SNX25: variants seen among roughly 807,000 people sequenced by gnomAD.
SNX25 encodes sorting nexin-25.
A neutral mutation model predicts 113.7 loss-of-function variants in SNX25; 62 were observed. The ratio of observed to expected loss-of-function variants is 0.55; its 90% CI spans 0.44 to 0.67. The LOEUF (loss-of-function observed/expected upper bound fraction) is 0.67, where lower values mean the gene tolerates loss of function less well. SNX25 is among the 30% of genes least tolerant of loss of function. The pLI, the probability that SNX25 is intolerant of heterozygous loss-of-function variation, is 0.00. For missense variants in SNX25, 1,014 were observed against 1,161.0 expected (o/e 0.87, Z 1.84); for synonymous variants, 421 against 436.2 (o/e 0.97, Z 0.43).
At chr4:185,312,140 C>A (rs1185054961) in intron 7 of SNX25, among the ~76,000 whole-genome samples, 1 of 152,084 alleles carries the variant, frequency 6.6e-6, no homozygotes, top group Non-Finnish European at 1.5e-5. Flanking sequence ...TAGATGAGGT[C>A]TTTGTCTTAT....
chr4:185,258,209 G>C (rs976529730), intron 2 of SNX25, among the ~76,000 whole-genome samples: 1 of 152,140 alleles, frequency 6.6e-6, no homozygotes, highest in Non-Finnish European at 1.5e-5. Flanking sequence ...CACCGGTGAG[G>C]GAGAGCCACC....
chr4:185,261,397 G>A (rs1398101338), intron 3 of SNX25, among the ~76,000 whole-genome samples: 14 of 151,932 alleles, frequency 9.2e-5, no homozygotes, highest in Admixed American at 2.0e-4. Flanking sequence ...GGCTGGTCTC[G>A]AACTCCTGAC....
chr4:185,237,501 C>T (rs1269390311), intron 1 of SNX25, among the ~76,000 whole-genome samples: 3 of 152,018 alleles, frequency 2.0e-5, no homozygotes, highest in African/African-American at 7.2e-5. Flanking sequence ...TTCTGCCATT[C>T]CTGTGCCTTT....
downstream of SNX25, chr4:185,370,776 A>G (rs1469511779): frequency 6.2e-7 from 1 of 1,614,126 alleles, no homozygotes; most frequent in Non-Finnish European, 8.5e-7. Context: ...GACCTGGGCG[A>G]TCATGGGGAT....
At chr4:185,370,841 GAA>G (rs1247190375), downstream of SNX25, 2 of 1,611,902 alleles carry the variant, frequency 1.2e-6, no homozygotes, top group Admixed American at 1.7e-5. Flanking sequence ...TTGTGAAATG[GAA>G]AAGACATCAG....
chr4:185,309,791 C>G (rs551097816), intron 6 of SNX25, among the ~76,000 whole-genome samples: 1 of 152,324 alleles, frequency 6.6e-6, no homozygotes, highest in South Asian at 2.1e-4. Flanking sequence ...TTTTATCCTG[C>G]TTCCTATGTA....
At chr4:185,307,731 G>C (rs1363317852) in intron 6 of SNX25, among the ~76,000 whole-genome samples, 2 of 152,150 alleles carry the variant, frequency 1.3e-5, no homozygotes, top group African/African-American at 4.8e-5. Flanking sequence ...CTCTTCACCT[G>C]TCTTCTGGAT....
At chr4:185,376,230 A>T in the SNX25 span, among the ~76,000 whole-genome samples, 1 of 152,184 alleles carries the variant, frequency 6.6e-6, no homozygotes, top group Non-Finnish European at 1.5e-5. Flanking sequence ...TAAGTACTAG[A>T]TAAAAATCAA....
At chr4:185,297,918 A>G (rs183626442) in intron 6 of SNX25, among the ~76,000 whole-genome samples, 2 of 152,280 alleles carry the variant, frequency 1.3e-5, no homozygotes, top group Admixed American at 1.3e-4. Context: ...CCATAACACC[A>G]TCTGTTCATA....
chr4:185,291,407 GTC>G lies in SNX25; in HGVS notation c.1162+3331_1162+3332del, dbSNP rs560309165. Among the ~76,000 whole-genome samples, 7 of 152,194 alleles carry G rather than the reference GTC, an allele frequency of 4.6e-5. No individual in the cohort carries two copies. The South Asian group carries it at 1.2e-3, about 27-fold the overall frequency. ...CGTGACAACCACCATTCTACTTTCTGTCTCTCTGAGTTTGACAAGTCTATGTA... is the reference window on the plus strand; with the variant it reads ...CGTGACAACCACCATTCTACTTTCTGTCTCTGAGTTTGACAAGTCTATGTA... On this transcript the variant is annotated intron_variant, in intron 6 of 18. Coordinates refer to ENST00000652585, the MANE Select transcript of SNX25 (RefSeq NM_001378034.2).
exon 1 of SNX25, chr4:185,204,244 C>G (rs1207755517): frequency 4.6e-5 from 7 of 152,332 alleles, no homozygotes; most frequent in Admixed American, 3.3e-4. Flanking sequence ...CTGCTGCTCC[C>G]GGCTGCCTAG....
At chr4:185,262,696 A>T (rs954234595) in intron 3 of SNX25, among the ~76,000 whole-genome samples, 1 of 152,156 alleles carries the variant, frequency 6.6e-6, no homozygotes, top group Non-Finnish European at 1.5e-5. Context: ...AGGTGGGAGG[A>T]TTAAGTCATT....
intron 1 of SNX25, among the ~76,000 whole-genome samples, chr4:185,212,487 G>GTTTT (rs1215567957): frequency 4.6e-4 from 23 of 50,420 alleles, no homozygotes; most frequent in East Asian, 2.0e-3. Context: ...GTGTGTGTGT[G>GTTTT]TGTGTTTTTT....
intron 3 of SNX25, among the ~76,000 whole-genome samples, chr4:185,260,278 C>T (rs1023930996): frequency 4.6e-5 from 7 of 151,792 alleles, no homozygotes; most frequent in Admixed American, 2.0e-4. Context: ...AGTGGTTCTC[C>T]GACTTTTTGT....
intron 4 of SNX25, among the ~76,000 whole-genome samples, chr4:185,265,587 A>C (rs902338843): frequency 6.6e-6 from 1 of 152,252 alleles, no homozygotes; most frequent in Admixed American, 6.5e-5. Context: ...TGCAGACTTC[A>C]TAAACAGTGT....
At chr4:185,248,806 A>C (rs1745217389) in intron 2 of SNX25, among the ~76,000 whole-genome samples, 1 of 152,216 alleles carries the variant, frequency 6.6e-6, no homozygotes, top group Non-Finnish European at 1.5e-5. Flanking sequence ...CATTTCCATC[A>C]TTCTAGAAAA....
chr4:185,233,833 T>C (rs548865043), intron 1 of SNX25, among the ~76,000 whole-genome samples: 1 of 151,418 alleles, frequency 6.6e-6, no homozygotes, highest in South Asian at 2.1e-4. Context: ...ATTCTTCCAA[T>C]TGAATGGAAA....
chr4:185,216,383 G>T (rs1045199707), intron 1 of SNX25, among the ~76,000 whole-genome samples: 1 of 152,112 alleles, frequency 6.6e-6, no homozygotes, highest in African/African-American at 2.4e-5. Context: ...ATTAAGATCA[G>T]TCAGCATAAG....
chr4:185,287,323 C>T (rs1751478991), intron 5 of SNX25, among the ~76,000 whole-genome samples: 1 of 152,132 alleles, frequency 6.6e-6, no homozygotes, highest in Admixed American at 6.5e-5. Context: ...TTAGAATTGC[C>T]AGGAGAGCTT....
Sources: gnomAD v4.1 joint callset for allele counts (sites outside exome capture counted in the v4.1 genomes callset) on GRCh38, gnomAD v4.1.1 for gene constraint, MANE v1.5 for transcripts, NCBI Gene and HGNC (gene_info 2026-07-23, HGNC 2026-07-21) for gene names.